The following MYH14 variants were observed in gnomAD, a reference collection of about 807,000 sequenced individuals.
MYH14 encodes the protein myosin-14.
In MYH14, 123 loss-of-function variants were observed where a neutral mutation model predicts 255.5. The observed-to-expected ratio is 0.48, with a 90% confidence interval of 0.42 to 0.56. The LOEUF (loss-of-function observed/expected upper bound fraction) is 0.56. MYH14 is among the 20% of genes least tolerant of loss of function. The pLI, the probability that MYH14 is intolerant of heterozygous loss-of-function variation, is 0.00. For missense variants in MYH14, 2,423 were observed against 2,802.3 expected, an observed-to-expected ratio of 0.86 and a Z score of 3.06; for synonymous variants, 1,095 against 1,161.2, an observed-to-expected ratio of 0.94 and a Z score of 1.16.
Position 50,280,029 on chromosome 19 carries a change from C to T in MYH14, c.4033-8C>T. ...TTGGAGGGCTTCATTCCCGTCCCTT[C>T]CCTGCAGGCTGAACTGGAGAATGTG... On this transcript the variant is annotated splice_region_variant and splice_polypyrimidine_tract_variant and intron_variant, in intron 30 of 42. Transcript: ENST00000642316. This position sits in a 1 kb window ranked among gnomAD's most constrained non-coding sequence, Gnocchi z 4.8. The T allele has an allele frequency of 5.0e-6, 8 of 1,601,334 alleles. No homozygotes were observed. The highest frequency in any genetic ancestry group is 2.3e-5 in the East Asian group (1 of 44,400).
At chr19:50,209,339 C>T (rs905689721) in intron 1 of MYH14, among the ~76,000 whole-genome samples, 1 of 152,056 alleles carries the variant, frequency 6.6e-6, no homozygotes, top group African/African-American at 2.4e-5. Flanking sequence ...GTCTGTTGCT[C>T]CATTGTCAGT....
intron 16 of MYH14, among the ~76,000 whole-genome samples, chr19:50,254,749 C>T (rs1275775863): frequency 6.6e-6 from 1 of 152,176 alleles, no homozygotes; most frequent in African/African-American, 2.4e-5. Context: ...GCCATTTTTG[C>T]CCAATCTCTG....
At chr19:50,232,816 G>T (rs2033470803) in intron 10 of MYH14, among the ~76,000 whole-genome samples, 1 of 152,040 alleles carries the variant, frequency 6.6e-6, no homozygotes, top group Non-Finnish European at 1.5e-5. Context: ...GCAGGAAAGG[G>T]GTGGCATATT....
At position 50,280,748 on chromosome 19, in the gene MYH14, C is replaced by T. The variant is rs976836275; in HGVS notation, c.4290+365C>T. ...GAGCTGACCCTGTCCCTCCTCTGCT[C>T]ACAGCTCTCCCACGCCTCCCCAGTA... On this transcript the variant is annotated intron_variant, in intron 32 of 42. Coordinates refer to ENST00000642316, the MANE Select transcript of MYH14 (RefSeq NM_001145809.2). This position sits in a 1 kb window ranked among gnomAD's most constrained non-coding sequence, Gnocchi z 4.8. Among the ~76,000 whole-genome samples, 2 of 152,298 alleles carry T rather than the reference C, an allele frequency of 1.3e-5. No individual in the cohort carries two copies. Among genetic ancestry groups the T allele is most frequent in the African/African-American group, 4.8e-5 (2 of 41,562 alleles).
chr19:50,294,048 G>T (rs1407991271), intron 39 of MYH14, among the ~76,000 whole-genome samples: 1 of 152,136 alleles, frequency 6.6e-6, no homozygotes, highest in East Asian at 1.9e-4. Flanking sequence ...TTCAGCAGAG[G>T]GAGAAAAGCA....
chr19:50,291,958 A>T (rs1209154655), intron 36 of MYH14, among the ~76,000 whole-genome samples: 1 of 152,152 alleles, frequency 6.6e-6, no homozygotes, highest in Non-Finnish European at 1.5e-5. Flanking sequence ...CCCAGCAAGG[A>T]TATGGCCAAG....
At chr19:50,261,842 G>C (rs1432889643) in intron 21 of MYH14, among the ~76,000 whole-genome samples, 1 of 152,094 alleles carries the variant, frequency 6.6e-6, no homozygotes, top group Non-Finnish European at 1.5e-5. Context: ...AGTAAGACTG[G>C]CAACACAGAG....
At chr19:50,264,750 T>G (rs1299746362) in intron 22 of MYH14, among the ~76,000 whole-genome samples, 1 of 152,168 alleles carries the variant, frequency 6.6e-6, no homozygotes, top group Non-Finnish European at 1.5e-5. Flanking sequence ...CCAGGTTTCA[T>G]GCTCATTGGC....
At chr19:50,251,659 T>G (rs1055473849) in intron 15 of MYH14, among the ~76,000 whole-genome samples, 1 of 151,788 alleles carries the variant, frequency 6.6e-6, no homozygotes, top group South Asian at 2.1e-4. Flanking sequence ...CTCACTGCAA[T>G]CTCCGCCTCC....
chr19:50,259,305 G>C (rs1420151659), intron 19 of MYH14, 40 bp downstream of exon 19: 3 of 1,549,580 alleles, frequency 1.9e-6, no homozygotes, highest in Non-Finnish European at 2.6e-6. Flanking sequence ...GGAGGGGCTG[G>C]GTGGGACCCG....
chr19:50,284,647 C>G (rs982660414), intron 33 of MYH14: 3 of 151,848 alleles, frequency 2.0e-5, no homozygotes, highest in African/African-American at 7.3e-5. Context: ...GCCTCGGCCT[C>G]CCAAAGCACT....
intron 16 of MYH14, among the ~76,000 whole-genome samples, chr19:50,254,456 C>T (rs2034519422): frequency 6.6e-6 from 1 of 152,174 alleles, no homozygotes; most frequent in Non-Finnish European, 1.5e-5. Context: ...TGAAAATCTG[C>T]TGCCCTTTTA....
intron 10 of MYH14, among the ~76,000 whole-genome samples, chr19:50,235,928 T>C (rs2033637730): frequency 6.6e-6 from 1 of 152,182 alleles, no homozygotes; most frequent in African/African-American, 2.4e-5. Flanking sequence ...TCATTCCTTT[T>C]TGCAGCTGCG....
At chr19:50,289,711 G>A (rs2036006289) in intron 35 of MYH14, 63 bp downstream of exon 35, 2 of 1,471,016 alleles carry the variant, frequency 1.4e-6, no homozygotes, top group South Asian at 1.2e-5. Context: ...GTGTGTACAG[G>A]CAGCAAGAAG....
intron 3 of MYH14, among the ~76,000 whole-genome samples, chr19:50,220,565 T>A (rs923156654): frequency 6.6e-6 from 1 of 151,840 alleles, no homozygotes; most frequent in East Asian, 1.9e-4. Context: ...TATGCTTATT[T>A]TTTTTTTTGA....
chr19:50,271,718 G>A (rs2035308215), intron 25 of MYH14, 131 bp from the exon 26 acceptor site: 2 of 1,473,182 alleles, frequency 1.4e-6, no homozygotes, highest in Non-Finnish European at 1.8e-6. Context: ...AGGTGTAGGG[G>A]GAGGAAGGTC....
intron 24 of MYH14, among the ~76,000 whole-genome samples, chr19:50,270,846 C>T (rs530373742): frequency 2.0e-5 from 3 of 152,054 alleles, no homozygotes; most frequent in Non-Finnish European, 4.4e-5. Flanking sequence ...AGGCACCCGC[C>T]ACCACGCCCG....
chr19:50,257,394 C>T lies in MYH14; in HGVS notation c.2140C>T (p.Leu714Phe), dbSNP rs994993110. The change falls in exon 18 of 43, where the codon CTC becomes TTC. Residue 714 changes from leucine to phenylalanine, a missense_variant. By Grantham distance (22) the Leu-to-Phe change is conservative (BLOSUM62 0). Around this residue, in one of 3 missense-constraint regions of MYH14, gnomAD observed 672 missense variants for 881.8 expected, o/e 0.76. Transcript: ENST00000642316. Reference sequence around the variant, plus strand: ...GGGTATGTTCCGGACAGTGGGACAGCTCTACAAGGAGTCCCTGAGCCGCCT... The same window carrying T: ...GGGTATGTTCCGGACAGTGGGACAGTTCTACAAGGAGTCCCTGAGCCGCCT... The part of the protein sequence containing the change: ...RRGMFRTVGQ[L>F]YKESLSRLMA... 6 of 1,608,288 alleles carry T rather than the reference C, an allele frequency of 3.7e-6. No homozygotes were observed. The highest frequency in any genetic ancestry group is 1.7e-5 in the Admixed American group (1 of 59,148).
intron 39 of MYH14, among the ~76,000 whole-genome samples, chr19:50,294,797 TG>T (rs1314823232): frequency 6.6e-6 from 1 of 151,860 alleles, no homozygotes; most frequent in Non-Finnish European, 1.5e-5. Flanking sequence ...ACTTTTTAAA[TG>T]GAGAGAATGG....
Sources: allele counts gnomAD v4.1 joint callset (sites outside exome capture counted in the v4.1 genomes callset), GRCh38; gene constraint gnomAD v4.1.1; regional missense constraint gnomAD v4.1.1; non-coding constraint Gnocchi (gnomAD v3.1); transcripts MANE v1.5; gene names NCBI Gene and HGNC (gene_info 2026-07-23, HGNC 2026-07-21).